Variants in VAV2 observed in about 807,000 individuals in gnomAD.
The protein encoded by VAV2 is vav guanine nucleotide exchange factor 2, also known as guanine nucleotide exchange factor VAV2.
In VAV2, 67 loss-of-function variants were observed where a neutral mutation model predicts 132.5. The ratio of observed to expected loss-of-function variants is 0.51; its 90% CI spans 0.42 to 0.62. The LOEUF is 0.62. Among genes scored for constraint, VAV2 ranks in the 20% least tolerant of loss-of-function variants. VAV2 has a pLI of 0.00. For synonymous variants in VAV2, 492 were observed against 443.5 expected (o/e 1.11, Z -1.37); for missense variants, 938 against 1,153.6 (o/e 0.81, Z 2.71).
At chr9:133,829,432 C>T (rs929019458) in intron 4 of VAV2, among the ~76,000 whole-genome samples, 1 of 152,234 alleles carries the variant, frequency 6.6e-6, no homozygotes, top group Non-Finnish European at 1.5e-5. Context: ...CTGTGCTACC[C>T]GGCACAGAGC....
chr9:133,807,846 C>T (rs1185499391), intron 7 of VAV2, among the ~76,000 whole-genome samples: 5 of 152,204 alleles, frequency 3.3e-5, no homozygotes, highest in Non-Finnish European at 7.3e-5. Flanking sequence ...CAGCCTCAGG[C>T]GGGATGTGAA....
intron 4 of VAV2, among the ~76,000 whole-genome samples, chr9:133,816,530 T>C (rs947916653): frequency 6.6e-5 from 10 of 152,240 alleles, no homozygotes; most frequent in African/African-American, 2.4e-4. Flanking sequence ...GTTCACTTTT[T>C]TCCCATAGGA....
intron 8 of VAV2, among the ~76,000 whole-genome samples, chr9:133,806,584 T>G (rs1189952464): frequency 6.9e-6 from 1 of 145,626 alleles, no homozygotes; most frequent in Non-Finnish European, 1.5e-5. Context: ...TCCTCCATCC[T>G]GGCCACAGCT....
In VAV2 at chr9:133,961,193, C is replaced by A. The variant is rs1475241902; in HGVS notation, c.205-21974G>T. On this transcript the variant is annotated intron_variant, in intron 1 of 29. Coordinates refer to ENST00000371850, the MANE Select transcript of VAV2 (RefSeq NM_001134398.2). This position sits in a 1 kb window ranked among gnomAD's most constrained non-coding sequence, Gnocchi z 4.1. ...CCAAGCGGTCCCCAAGAAACAATCA[C>A]TGCAGTCCAACAGAATAGTCAACCT... Among the ~76,000 whole-genome samples, 2 of 152,252 alleles carry A rather than the reference C, an allele frequency of 1.3e-5. No individual in the cohort carries two copies. The highest frequency in any genetic ancestry group is 6.5e-5 in the Admixed American group (1 of 15,288).
intron 3 of VAV2, among the ~76,000 whole-genome samples, chr9:133,850,228 G>A (rs1015754051): frequency 3.9e-5 from 6 of 152,176 alleles, no homozygotes; most frequent in South Asian, 2.1e-4. Context: ...GCCGGGCCTC[G>A]AACCCAAGTC....
At chr9:133,783,878 T>A (rs1374183193) in intron 18 of VAV2, among the ~76,000 whole-genome samples, 2 of 4,526 alleles carry the variant, frequency 4.4e-4, no homozygotes, top group African/African-American at 7.8e-4. Context: ...GGCTGGGCCG[T>A]TTTTTTTTTT....
At chr9:133,893,877 C>CCA (rs1157884540) in intron 2 of VAV2, among the ~76,000 whole-genome samples, 1 of 152,214 alleles carries the variant, frequency 6.6e-6, no homozygotes, top group Non-Finnish European at 1.5e-5. Context: ...CCCACGTGTA[C>CCA]CACACACACA....
At position 133,969,135 on chromosome 9, in the gene VAV2, G is replaced by A. The variant is rs1564512522; in HGVS notation, c.204+22940C>T. 6.6e-6 allele frequency among the ~76,000 whole-genome samples: 1 copy of A among 151,578 alleles called. No individual in the cohort carries two copies. The highest frequency in any genetic ancestry group is 6.6e-5 in the Admixed American group (1 of 15,238). ...ACATGCCGGGATTCACACTTCCCCC[G>A]AGAGCTGGATTCCACCGTGCCCGCC... On this transcript the variant is annotated intron_variant, in intron 1 of 29. Transcript: ENST00000371850. This position sits in a 1 kb window ranked among gnomAD's most constrained non-coding sequence, Gnocchi z 5.1.
At chr9:133,862,834 T>G (rs966134580) in intron 2 of VAV2, among the ~76,000 whole-genome samples, 21 of 152,224 alleles carry the variant, frequency 1.4e-4, no homozygotes, top group Non-Finnish European at 2.9e-4. Flanking sequence ...CCCTTCAGCC[T>G]GTTCCGCTTC....
At chr9:133,976,930 C>T (rs760864131) in intron 1 of VAV2, among the ~76,000 whole-genome samples, 37 of 152,216 alleles carry the variant, frequency 2.4e-4, no homozygotes, top group Non-Finnish European at 5.1e-4. Flanking sequence ...ACAGTGTGAG[C>T]AGCTCCAGGA....
In VAV2 at chr9:133,802,124, G is replaced by A. The variant is rs560664108; in HGVS notation, c.836+3957C>T. On this transcript the variant is annotated intron_variant, in intron 9 of 29. Transcript: ENST00000371850. This position sits in a 1 kb window ranked among gnomAD's most constrained non-coding sequence, Gnocchi z 5.8. Reference sequence around the variant, plus strand: ...AGGGGGCACAGTTTGACTTTTCCCCGAAAAATGGAGAGAAAATGACAGTGA... The same window carrying A: ...AGGGGGCACAGTTTGACTTTTCCCCAAAAAATGGAGAGAAAATGACAGTGA... Among the ~76,000 whole-genome samples the A allele has an allele frequency of 1.2e-4, 18 of 152,128 alleles. No homozygotes were observed. Among genetic ancestry groups the A allele is most frequent in the East Asian group, 5.8e-4 (3 of 5,170 alleles).
At chr9:133,817,092 C>T (rs932163797) in intron 4 of VAV2, among the ~76,000 whole-genome samples, 10 of 152,188 alleles carry the variant, frequency 6.6e-5, no homozygotes, top group South Asian at 2.1e-4. Flanking sequence ...GCCATCTTAA[C>T]GATAACATCT....
At chr9:133,792,054 G>A (rs1032932802) in intron 12 of VAV2, among the ~76,000 whole-genome samples, 185 bp from the exon 13 acceptor site, 3 of 149,956 alleles carry the variant, frequency 2.0e-5, no homozygotes, top group East Asian at 2.0e-4. Flanking sequence ...ATGTGTGAGC[G>A]GACTGTGCTG....
At chr9:133,785,655 T>C (rs556273542) in intron 17 of VAV2, 121 bp downstream of exon 17, 4 of 828,628 alleles carry the variant, frequency 4.8e-6, no homozygotes, top group African/African-American at 1.7e-5. Context: ...GTCCCTGACG[T>C]TCCAACTTTG....
chr9:133,989,838 G>A (rs1480359503), intron 1 of VAV2, among the ~76,000 whole-genome samples: 1 of 152,262 alleles, frequency 6.6e-6, no homozygotes, highest in Non-Finnish European at 1.5e-5. Context: ...CAATGTGAGG[G>A]TTAAGGGAGC....
At chr9:133,784,804 C>T (rs901493394) in intron 17 of VAV2, among the ~76,000 whole-genome samples, 1 of 152,080 alleles carries the variant, frequency 6.6e-6, no homozygotes, top group East Asian at 1.9e-4. Flanking sequence ...AAATATTGGG[C>T]CCCCTGAGGT....
At chr9:133,984,240 C>T (rs958372811) in intron 1 of VAV2, among the ~76,000 whole-genome samples, 5 of 152,196 alleles carry the variant, frequency 3.3e-5, no homozygotes, top group Admixed American at 6.5e-5. Flanking sequence ...TCCCAAAGTG[C>T]TGGGATTACA....
Position 133,883,964 on chromosome 9 carries a change from T to C in VAV2, c.322-22532A>G, listed in dbSNP as rs2131947656. Among the ~76,000 whole-genome samples the C allele has an allele frequency of 6.6e-6, 1 of 151,832 alleles. No individual in the cohort carries two copies. The highest frequency in any genetic ancestry group is 1.5e-5 in the Non-Finnish European group (1 of 67,936). On this transcript the variant is annotated intron_variant, in intron 2 of 29. Transcript: ENST00000371850. This position sits in a 1 kb window ranked among gnomAD's most constrained non-coding sequence, Gnocchi z 4.2. ...TCTTGATCAATATGGTGAAACCCCGTCTCTACTAAAATACAAAAAAATTAG... is the reference window on the plus strand; with the variant it reads ...TCTTGATCAATATGGTGAAACCCCGCCTCTACTAAAATACAAAAAAATTAG...
chr9:133,950,956 G>T (rs998993892), intron 1 of VAV2, among the ~76,000 whole-genome samples: 4 of 152,096 alleles, frequency 2.6e-5, no homozygotes, highest in Non-Finnish European at 5.9e-5. Flanking sequence ...GATTCTTCCC[G>T]TTCCCCCACC....
Sources: allele counts gnomAD v4.1 joint callset (sites outside exome capture counted in the v4.1 genomes callset), GRCh38; gene constraint gnomAD v4.1.1; non-coding constraint Gnocchi (gnomAD v3.1); transcripts MANE v1.5; gene names NCBI Gene and HGNC (gene_info 2026-07-23, HGNC 2026-07-21).